Variants in INPP4A observed in about 807,000 individuals in gnomAD.
INPP4A encodes the protein inositol polyphosphate-4-phosphatase, type I, 107kD.
In INPP4A, 33 loss-of-function variants were observed where a neutral mutation model predicts 119.8. The ratio of observed to expected loss-of-function variants is 0.28; its 90% confidence interval spans 0.21 to 0.37. INPP4A has a LOEUF of 0.37. Ranked by LOEUF, INPP4A falls within the 10% of genes least tolerant of loss-of-function variation. The pLI, the probability that INPP4A is intolerant of heterozygous loss-of-function variation, is 1.00. For missense variants in INPP4A, 956 were observed against 1,289.9 expected, an observed-to-expected ratio of 0.74 and a Z score of 3.97; for synonymous variants, 496 against 500.7, an observed-to-expected ratio of 0.99 and a Z score of 0.12.
chr2:98,538,045 G>A (rs114643732), intron 8 of INPP4A, 71 bp downstream of exon 8: 23,256 of 1,041,384 alleles, frequency 0.022, 336 homozygotes, highest in Non-Finnish European at 0.027. Context: ...TGCAGCCCTC[G>A]TGGACTTAGC....
At chr2:98,537,313 G>A in intron 7 of INPP4A, among the ~76,000 whole-genome samples, 1 of 152,238 alleles carries the variant, frequency 6.6e-6, no homozygotes, top group East Asian at 1.9e-4. Flanking sequence ...CACCCTTCGG[G>A]ATGTCAGGGT....
intron 1 of INPP4A, among the ~76,000 whole-genome samples, chr2:98,482,982 A>G (rs1678783173): frequency 6.6e-6 from 1 of 152,220 alleles, no homozygotes; most frequent in Non-Finnish European, 1.5e-5. Flanking sequence ...CTGTACGTAT[A>G]TAATGCAAAT....
chr2:98,483,516 A>C (rs1221306963), intron 1 of INPP4A, among the ~76,000 whole-genome samples: 5 of 151,944 alleles, frequency 3.3e-5, no homozygotes, highest in African/African-American at 4.8e-5. Flanking sequence ...TTGTCTTTCT[A>C]ATGTCTTGCT....
chr2:98,575,251 AG>A (rs1194016594), intron 23 of INPP4A, among the ~76,000 whole-genome samples: 1 of 152,270 alleles, frequency 6.6e-6, no homozygotes, highest in Non-Finnish European at 1.5e-5. Flanking sequence ...CTGGGATGGA[AG>A]CCTGGCACTG....
chr2:98,481,029 G>C (rs1678325450), intron 1 of INPP4A, among the ~76,000 whole-genome samples: 1 of 152,224 alleles, frequency 6.6e-6, no homozygotes, highest in African/African-American at 2.4e-5. Context: ...CCCAAAGAGA[G>C]CAAAGCAGCA....
chr2:98,594,047 GAATA>G lies in INPP4A; in HGVS notation c.*6442_*6445del, dbSNP rs1396037115. 3 of 152,204 alleles carry G rather than the reference GAATA, an allele frequency of 2.0e-5. No homozygotes were observed. The highest frequency in any genetic ancestry group is 7.2e-5 in the African/African-American group (3 of 41,444). 9.4% of individuals were successfully genotyped at this position (152,204 alleles called of 1,614,324 possible). ...CGCTGTGAAGGAGCTAAAGTTTGTT[GAATA>G]AACACATGAACAAATGGTGGTTTTG... On this transcript the variant is annotated 3_prime_UTR_variant, in exon 25 of 25. Transcript: ENST00000409851.
intron 11 of INPP4A, among the ~76,000 whole-genome samples, chr2:98,545,768 T>C (rs1475915213): frequency 6.6e-6 from 1 of 152,210 alleles, no homozygotes. Flanking sequence ...CCAGCTCTCC[T>C]GACCAGCAGG....
rs569526480 is a variant in INPP4A, at chr2:98,591,770, T to G, written c.*4162T>G. On this transcript the variant is annotated 3_prime_UTR_variant, in exon 25 of 25. Coordinates refer to ENST00000409851, the MANE Select transcript of INPP4A (RefSeq NM_001134225.2). ...TGATTTTTCCAAGAACAGAAATGAT[T>G]AGCCATGTGGGGAGGTTACTTCATT... 1.3e-5 allele frequency: 2 copies of G among 152,356 alleles called. No individual in the cohort carries two copies. The highest frequency in any genetic ancestry group is 2.4e-5 in the African/African-American group (1 of 41,562). 9.4% of individuals were successfully genotyped at this position (152,356 alleles called of 1,614,324 possible).
In INPP4A at chr2:98,563,643, C is replaced by T; in HGVS notation, c.2028+6C>T. 1.2e-6 allele frequency: 2 copies of T among 1,611,794 alleles called. No individual in the cohort carries two copies. Among genetic ancestry groups the T allele is most frequent in the Non-Finnish European group, 8.5e-7 (1 of 1,179,704 alleles). Reference sequence around the variant, plus strand: ...ACGTGGTCTTCTGCCAGACGGTAGGCCCCGGGAGCACCCCGAGGGAGACCA... The same window carrying T: ...ACGTGGTCTTCTGCCAGACGGTAGGTCCCGGGAGCACCCCGAGGGAGACCA... On this transcript the variant is annotated splice_donor_region_variant and intron_variant, in intron 18 of 24. Coordinates refer to ENST00000409851, the MANE Select transcript of INPP4A (RefSeq NM_001134225.2).
chr2:98,548,883 A>T, intron 13 of INPP4A: 1 of 1,434,990 alleles, frequency 7.0e-7, no homozygotes, highest in Non-Finnish European at 9.6e-7. Flanking sequence ...TTGGCTTTTT[A>T]ATTTTTTGTT....
Position 98,574,249 on chromosome 2 carries a change from T to C in INPP4A, c.2631+1322T>C, listed in dbSNP as rs541270016. Among the ~76,000 whole-genome samples the C allele has an allele frequency of 5.9e-5, 9 of 151,782 alleles. No individual in the cohort carries two copies. The South Asian group carries it at 1.9e-3, about 32-fold the overall frequency. ...CCCTACTTTTATTTTTCCTGGGGGG[T>C]TGCTAAACCCCCCTGGCCAGGCTGT... is the stretch of plus-strand genomic sequence containing the variant. On this transcript the variant is annotated intron_variant, in intron 23 of 24. Coordinates refer to ENST00000409851, the MANE Select transcript of INPP4A (RefSeq NM_001134225.2).
rs185520865 is a variant in INPP4A, at chr2:98,488,727, G to T, written c.-165-30237G>T. On this transcript the variant is annotated intron_variant, in intron 1 of 24. Coordinates refer to ENST00000409851, the MANE Select transcript of INPP4A (RefSeq NM_001134225.2). ...TTTTGGACACACGAGAAGCTATGTA[G>T]ACAGGAAGCAAGTGGGAGCTCCTTG... Among the ~76,000 whole-genome samples, 684 of 152,314 alleles carry T rather than the reference G, an allele frequency of 4.5e-3. 7 individuals are homozygous for T. Among genetic ancestry groups the T allele is most frequent in the African/African-American group, 0.015 (643 of 41,568 alleles).
In INPP4A at chr2:98,568,014, C is replaced by T. The variant is rs554786451; in HGVS notation, c.2421-557C>T. Among the ~76,000 whole-genome samples the T allele has an allele frequency of 1.1e-4, 17 of 152,322 alleles. 1 individual carries two copies. Among genetic ancestry groups the T allele is most frequent in the African/African-American group, 3.8e-4 (16 of 41,568 alleles). ...CACCTTGTGCCTTCCTTGCAGGTGG[C>T]ATTTTATGGCTTTGTTTCTTAGGCA... On this transcript the variant is annotated intron_variant, in intron 21 of 24. Transcript: ENST00000409851.
rs1474710163 is a variant in INPP4A at position 98,587,624 on chromosome 2, T to C, written c.*16T>C. ...TGAAACGTGAACACACGGTTTCCTC[T>C]AATTAGCTGTTACATAATAAATGTG... On this transcript the variant is annotated 3_prime_UTR_variant, in exon 25 of 25. Coordinates refer to ENST00000409851, the MANE Select transcript of INPP4A (RefSeq NM_001134225.2). 5 of 1,585,016 alleles carry C rather than the reference T, an allele frequency of 3.2e-6. No individual in the cohort carries two copies. The African/African-American group carries it at 6.8e-5, about 22-fold the overall frequency.
At chr2:98,522,297 A>T (rs1250857450) in intron 4 of INPP4A, among the ~76,000 whole-genome samples, 1 of 151,632 alleles carries the variant, frequency 6.6e-6, no homozygotes, top group East Asian at 1.9e-4. Flanking sequence ...AAAAAAAAAA[A>T]AAAAAAGAAA....
At chr2:98,470,625 A>G (rs1026918163) in intron 1 of INPP4A, among the ~76,000 whole-genome samples, 2 of 151,676 alleles carry the variant, frequency 1.3e-5, no homozygotes, top group African/African-American at 2.4e-5. Flanking sequence ...GACGTGGTTC[A>G]GGGCCATGTT....
At chr2:98,502,926 T>C (rs1253326913) in intron 1 of INPP4A, among the ~76,000 whole-genome samples, 1 of 152,242 alleles carries the variant, frequency 6.6e-6, no homozygotes, top group Non-Finnish European at 1.5e-5. Context: ...TTTTATTTTA[T>C]ATTTGCAGAA....
At chr2:98,493,166 C>G (rs2105270203) in intron 1 of INPP4A, among the ~76,000 whole-genome samples, 1 of 152,188 alleles carries the variant, frequency 6.6e-6, no homozygotes, top group Admixed American at 6.5e-5. Context: ...TTGGTGACTC[C>G]CTTTGCCCCT....
chr2:98,563,583 C>G lies in INPP4A; in HGVS notation c.1974C>G (p.Thr658=). The stretch of plus-strand genomic sequence containing the variant: ...TGCTCATGCAGGACAGCGCGCCCAC[C>G]ATAGCCACCTACCTGAGCCTGCAGT... ...VFLLMQDSAP[T]IATYLSLQYR... Residue 658 remains threonine (T), a synonymous_variant, in exon 18 of 25, where the codon ACC becomes ACG. Coordinates refer to ENST00000409851, the MANE Select transcript of INPP4A (RefSeq NM_001134225.2). 2.5e-6 allele frequency: 4 copies of G among 1,613,666 alleles called. No homozygotes were observed. The highest frequency in any genetic ancestry group is 3.4e-6 in the Non-Finnish European group (4 of 1,179,890).
Sources: gnomAD v4.1 joint callset for allele counts (sites outside exome capture counted in the v4.1 genomes callset) on GRCh38, gnomAD v4.1.1 for gene constraint, MANE v1.5 for transcripts, NCBI Gene and HGNC (gene_info 2026-07-23, HGNC 2026-07-21) for gene names.